AR: variants seen among roughly 807,000 people sequenced by gnomAD.
AR encodes dihydrotestosterone receptor.
In AR, 8 loss-of-function variants were observed where a neutral mutation model predicts 53.9. That is an observed-to-expected ratio of 0.15 (90% CI 0.09 to 0.27). AR has a LOEUF of 0.27. Ranked by LOEUF, AR falls within the 10% of genes least tolerant of loss-of-function variation. The pLI, the probability that AR is intolerant of heterozygous loss-of-function variation, is 1.00. For synonymous variants in AR, 359 were observed against 316.4 expected (o/e 1.13, Z -1.43); for missense variants, 639 against 742.5 (o/e 0.86, Z 1.62).
intron 2 of AR, among the ~76,000 whole-genome samples, chrX:67,645,487 A>G (rs1490193469): frequency 9.0e-6 from 1 of 111,130 alleles, no homozygotes; most frequent in Non-Finnish European, 1.9e-5. Context: ...CCCAACTCAC[A>G]GAACACACAG....
chrX:67,693,279 C>T (rs1367915292), intron 3 of AR, among the ~76,000 whole-genome samples: 1 of 112,001 alleles, frequency 8.9e-6, no homozygotes, highest in African/African-American at 3.2e-5. Flanking sequence ...GCTCCAAAAT[C>T]CCTCAGTTGC....
intron 1 of AR, among the ~76,000 whole-genome samples, chrX:67,628,834 T>A (rs1924870825): frequency 9.0e-6 from 1 of 111,230 alleles, no homozygotes; most frequent in South Asian, 3.8e-4. Context: ...TTATTGAGAG[T>A]TTTTAGCATG....
intron 1 of AR, among the ~76,000 whole-genome samples, chrX:67,633,369 T>C (rs1428007354): frequency 8.9e-6 from 1 of 111,852 alleles, no homozygotes; most frequent in Non-Finnish European, 1.9e-5. Flanking sequence ...CTTCCACTTA[T>C]CAGTGAGAAC....
intron 1 of AR, among the ~76,000 whole-genome samples, chrX:67,565,898 G>A (rs1418650507): frequency 1.8e-5 from 2 of 111,438 alleles, no homozygotes; most frequent in East Asian, 5.7e-4. Flanking sequence ...TTGTCATGTT[G>A]CCCAGGCCGG....
intron 2 of AR, among the ~76,000 whole-genome samples, chrX:67,662,014 A>G (rs1389448476): frequency 9.0e-6 from 1 of 111,501 alleles, no homozygotes; most frequent in East Asian, 2.8e-4. Flanking sequence ...GGTAGTTTGT[A>G]CTTCTGTGGG....
At chrX:67,654,080 C>A (rs1367976790) in intron 2 of AR, among the ~76,000 whole-genome samples, 1 of 111,787 alleles carries the variant, frequency 8.9e-6, no homozygotes, top group Admixed American at 9.5e-5. Flanking sequence ...GGGAAACAGG[C>A]AGACCCAATT....
intron 2 of AR, among the ~76,000 whole-genome samples, chrX:67,668,583 G>T (rs1322512675): frequency 9.0e-6 from 1 of 110,960 alleles, no homozygotes; most frequent in Non-Finnish European, 1.9e-5. Context: ...TGTAGAATGA[G>T]TTTGGAATGA....
intron 3 of AR, among the ~76,000 whole-genome samples, chrX:67,705,017 G>A (rs951992552): frequency 9.0e-6 from 1 of 111,607 alleles, no homozygotes; most frequent in Non-Finnish European, 1.9e-5. Flanking sequence ...CTCTGTTTTG[G>A]TACCAGTATC....
At chrX:67,699,911 G>A (rs1206038488) in intron 3 of AR, among the ~76,000 whole-genome samples, 2 of 111,373 alleles carry the variant, frequency 1.8e-5, no homozygotes, top group Admixed American at 9.6e-5. Flanking sequence ...GGTTAAGGAC[G>A]CTAAAGAAGT....
intron 1 of AR, among the ~76,000 whole-genome samples, chrX:67,628,480 T>G (rs948607209): frequency 9.2e-6 from 1 of 108,276 alleles, no homozygotes; most frequent in African/African-American, 3.3e-5. Context: ...TTTTGTACAT[T>G]GATTTTGTAT....
intron 2 of AR, among the ~76,000 whole-genome samples, chrX:67,666,366 A>G (rs1927261644): frequency 8.9e-6 from 1 of 111,738 alleles, no homozygotes; most frequent in Admixed American, 9.6e-5. Context: ...CTCTAGTTCC[A>G]TCCATGTTAT....
At chrX:67,612,956 T>C (rs1230456954) in intron 1 of AR, among the ~76,000 whole-genome samples, 3 of 111,449 alleles carry the variant, frequency 2.7e-5, no homozygotes, top group African/African-American at 6.5e-5. Flanking sequence ...CTCTTTTTTT[T>C]CCCCCAGCCC....
intron 3 of AR, among the ~76,000 whole-genome samples, chrX:67,701,292 G>A (rs1357821602): frequency 9.0e-6 from 1 of 111,404 alleles, no homozygotes; most frequent in African/African-American, 3.3e-5. Context: ...ATACTGGACA[G>A]TACAAGTCTA....
intron 1 of AR, among the ~76,000 whole-genome samples, chrX:67,642,191 A>G (rs1356892465): frequency 8.9e-6 from 1 of 111,896 alleles, no homozygotes; most frequent in Non-Finnish European, 1.9e-5. Context: ...GAATGATAGC[A>G]TGGGCAGTTG....
intron 3 of AR, among the ~76,000 whole-genome samples, chrX:67,704,195 G>T (rs1163858173): frequency 9.0e-6 from 1 of 111,730 alleles, no homozygotes. Flanking sequence ...GGTATTTCTA[G>T]TTCTAGATCC....
At chrX:67,660,715 A>G (rs1926855957) in intron 2 of AR, among the ~76,000 whole-genome samples, 2 of 111,506 alleles carry the variant, frequency 1.8e-5, no homozygotes, top group Non-Finnish European at 1.9e-5. Context: ...TTGGTTCCAT[A>G]TGAACTTTAA....
rs191633743 is a variant in AR at position 67,700,863 on chromosome X, G to A, written c.1886-10539G>A. Among the ~76,000 whole-genome samples the A allele has an allele frequency of 2.0e-4, 22 of 112,331 alleles. 1 individual carries two copies. In the East Asian group the frequency reaches 3.4e-3, roughly 17 times the overall value. On this transcript the variant is annotated intron_variant, in intron 3 of 7. Coordinates refer to ENST00000374690, the MANE Select transcript of AR (RefSeq NM_000044.6). ...CATTGGTGGGAAAGTCGAGGCGACA[G>A]ATTATATCTCACTGATCTCACTGTC...
chrX:67,611,769 G>T (rs1259324327), intron 1 of AR, among the ~76,000 whole-genome samples: 2 of 111,384 alleles, frequency 1.8e-5, no homozygotes. Context: ...TTTCTCTGCA[G>T]ATGAAAAGAA....
intron 2 of AR, among the ~76,000 whole-genome samples, chrX:67,666,979 G>C (rs1927298378): frequency 9.0e-6 from 1 of 111,107 alleles, no homozygotes; most frequent in African/African-American, 3.3e-5. Flanking sequence ...GGTCAGATGG[G>C]TAGTTTGCAA....
Sources: gnomAD v4.1 joint callset for allele counts (sites outside exome capture counted in the v4.1 genomes callset) on GRCh38, gnomAD v4.1.1 for gene constraint, MANE v1.5 for transcripts, NCBI Gene and HGNC (gene_info 2026-07-23, HGNC 2026-07-21) for gene names.